The following GSK3B variants were observed in gnomAD, a reference collection of about 807,000 sequenced individuals.
GSK3B encodes the protein glycogen synthase kinase 3 beta.
GSK3B carries 15 observed loss-of-function variants against 56.4 expected under a neutral mutation model. The ratio of observed to expected loss-of-function variants is 0.27; its 90% CI spans 0.18 to 0.41. The LOEUF (loss-of-function observed/expected upper bound fraction) is 0.41. Among genes scored for constraint, GSK3B ranks in the 10% least tolerant of loss-of-function variants. GSK3B has a pLI of 1.00. For missense variants in GSK3B, 300 were observed against 513.4 expected (o/e 0.58, Z 4.02); for synonymous variants, 181 against 188.9 (o/e 0.96, Z 0.34).
intron 3 of GSK3B, among the ~76,000 whole-genome samples, chr3:119,926,569 T>A (rs975742621): frequency 2.0e-5 from 3 of 152,150 alleles, no homozygotes; most frequent in African/African-American, 7.2e-5. Flanking sequence ...TAAAATCAAG[T>A]CAAGTTAGAC....
intron 10 of GSK3B, among the ~76,000 whole-genome samples, chr3:119,831,385 C>T (rs556336503): frequency 2.6e-5 from 4 of 152,186 alleles, no homozygotes; most frequent in South Asian, 4.2e-4. Flanking sequence ...GGGCCGGGCG[C>T]GGTGGCTCAT....
chr3:120,065,754 G>A (rs1576305910), intron 1 of GSK3B, among the ~76,000 whole-genome samples: 1 of 152,230 alleles, frequency 6.6e-6, no homozygotes, highest in East Asian at 1.9e-4. Context: ...TGCATACAAT[G>A]GAATATTATT....
Position 119,826,781 on chromosome 3 carries a change from G to C in GSK3B, c.*7C>G, listed in dbSNP as rs546174832. The C allele has an allele frequency of 4.1e-5, 66 of 1,602,122 alleles. 1 individual carries two copies. In the East Asian group the frequency reaches 1.3e-3, roughly 32 times the overall value. ...TTTTTCCTGTGCAGCTGGCTGCTCG[G>C]GACTGTTCAGGTGGAGTTGGAAGCT... On this transcript the variant is annotated 3_prime_UTR_variant, in exon 11 of 11. Transcript: ENST00000264235.
chr3:119,870,463 C>G (rs1177951474), intron 8 of GSK3B, among the ~76,000 whole-genome samples: 1 of 152,156 alleles, frequency 6.6e-6, no homozygotes, highest in African/African-American at 2.4e-5. Context: ...TCCACCCCAA[C>G]CTCATCCTTT....
chr3:120,061,145 AAC>A (rs1275434913), intron 1 of GSK3B, among the ~76,000 whole-genome samples: 1 of 152,238 alleles, frequency 6.6e-6, no homozygotes, highest in Non-Finnish European at 1.5e-5. Context: ...TTCCATTAGT[AAC>A]ACTTTAAATC....
rs571045202 is a variant in GSK3B, at chr3:120,035,660, G to T, written c.89-33421C>A. ...TAGGTATTCATTAATTTCTTTCAAC[G>T]ATGTTTTGTAATTTCCATATTATAC... On this transcript the variant is annotated intron_variant, in intron 1 of 10. Coordinates refer to ENST00000264235, the MANE Select transcript of GSK3B (RefSeq NM_001146156.2). Among the ~76,000 whole-genome samples the T allele has an allele frequency of 1.2e-4, 18 of 152,110 alleles. 1 individual carries two copies. In the South Asian group the frequency reaches 3.7e-3, roughly 32 times the overall value.
intron 7 of GSK3B, among the ~76,000 whole-genome samples, chr3:119,904,186 A>G (rs565515163): frequency 3.9e-5 from 6 of 152,254 alleles, no homozygotes; most frequent in Non-Finnish European, 8.8e-5. Context: ...CCTATATGAT[A>G]TCCTCGATTT....
chr3:119,954,775 A>AGATATT (rs1349468306), intron 2 of GSK3B, among the ~76,000 whole-genome samples: 1 of 152,182 alleles, frequency 6.6e-6, no homozygotes, highest in Non-Finnish European at 1.5e-5. Context: ...CTGACATCTC[A>AGATATT]TGCTTTAAAA....
intron 4 of GSK3B, among the ~76,000 whole-genome samples, chr3:119,916,551 A>G (rs1411632347): frequency 6.6e-6 from 1 of 152,156 alleles, no homozygotes; most frequent in Non-Finnish European, 1.5e-5. Flanking sequence ...ATAATCAGTA[A>G]CTTTGGGCCA....
Position 120,038,687 on chromosome 3 carries a change from T to C in GSK3B, c.89-36448A>G, listed in dbSNP as rs79491524. ...ACAAAAATTCACAAAAATTAAAAAATTAGCTCAAACTGCATCATAGACCTA... is the reference window on the plus strand; with the variant it reads ...ACAAAAATTCACAAAAATTAAAAAACTAGCTCAAACTGCATCATAGACCTA... On this transcript the variant is annotated intron_variant, in intron 1 of 10. Transcript: ENST00000264235. 6.4e-3 allele frequency among the ~76,000 whole-genome samples: 969 copies of C among 152,156 alleles called. 12 individuals are homozygous for C. Among genetic ancestry groups the C allele is most frequent in the African/African-American group, 0.02 (829 of 41,516 alleles).
intron 7 of GSK3B, among the ~76,000 whole-genome samples, chr3:119,889,561 A>G (rs2056478395): frequency 6.6e-6 from 1 of 152,058 alleles, no homozygotes; most frequent in South Asian, 2.1e-4. Context: ...AAGGAGGTAT[A>G]GCTTAAAAGC....
chr3:120,012,145 G>GCCC (rs1329824634), intron 1 of GSK3B, among the ~76,000 whole-genome samples: 1 of 152,152 alleles, frequency 6.6e-6, no homozygotes, highest in Non-Finnish European at 1.5e-5. Flanking sequence ...GCAACATTAG[G>GCCC]TTTTGAAATT....
intron 1 of GSK3B, among the ~76,000 whole-genome samples, chr3:120,006,790 T>C (rs2057732543): frequency 6.6e-6 from 1 of 152,108 alleles, no homozygotes; most frequent in South Asian, 2.1e-4. Flanking sequence ...CTTAGAGCAC[T>C]AAATGCCCAC....
intron 2 of GSK3B, among the ~76,000 whole-genome samples, chr3:119,992,521 T>C (rs2057575234): frequency 6.6e-6 from 1 of 151,814 alleles, no homozygotes; most frequent in Admixed American, 6.6e-5. Context: ...TAGAGGAAAA[T>C]ATAGATGACT....
At chr3:119,980,775 C>A (rs2057453166) in intron 2 of GSK3B, among the ~76,000 whole-genome samples, 1 of 152,118 alleles carries the variant, frequency 6.6e-6, no homozygotes, top group Non-Finnish European at 1.5e-5. Flanking sequence ...AGTCCACAAA[C>A]ATGAAGGAAG....
chr3:119,840,058 G>C (rs897873626), intron 10 of GSK3B, among the ~76,000 whole-genome samples: 3 of 152,124 alleles, frequency 2.0e-5, no homozygotes, highest in Non-Finnish European at 4.4e-5. Context: ...TGTGAGGAAA[G>C]CTTCGGCTAT....
intron 2 of GSK3B, among the ~76,000 whole-genome samples, chr3:119,988,132 C>T (rs1279264285): frequency 2.0e-5 from 3 of 152,044 alleles, no homozygotes; most frequent in African/African-American, 7.2e-5. Flanking sequence ...ACTGTAACAT[C>T]AGAATAGAGG....
chr3:120,006,985 A>AT (rs1161478576), intron 1 of GSK3B, among the ~76,000 whole-genome samples: 2 of 152,080 alleles, frequency 1.3e-5, no homozygotes, highest in African/African-American at 4.8e-5. Context: ...CCAGGAGCTG[A>AT]TTTTTTGAAA....
intron 1 of GSK3B, among the ~76,000 whole-genome samples, chr3:120,041,829 G>A (rs754567828): frequency 5.3e-5 from 8 of 152,194 alleles, no homozygotes; most frequent in African/African-American, 1.2e-4. Context: ...TGATGGAGAC[G>A]CTCTTAAAGA....
Sources: gnomAD v4.1 joint callset for allele counts (sites outside exome capture counted in the v4.1 genomes callset) on GRCh38, gnomAD v4.1.1 for gene constraint, MANE v1.5 for transcripts, NCBI Gene and HGNC (gene_info 2026-07-23, HGNC 2026-07-21) for gene names.